The following WNK3 variants were observed in gnomAD, a reference collection of about 807,000 sequenced individuals.
The protein encoded by WNK3 is WNK lysine deficient protein kinase 3.
A neutral mutation model predicts 116.7 loss-of-function variants in WNK3; 18 were observed. That is an observed-to-expected ratio of 0.15 (90% CI 0.11 to 0.23). WNK3 has a LOEUF of 0.23. Among genes scored for constraint, WNK3 ranks in the 10% least tolerant of loss-of-function variants. The pLI is 1.00. For synonymous variants in WNK3, 404 were observed against 469.4 expected, an observed-to-expected ratio of 0.86 and a Z score of 1.80; for missense variants, 993 against 1,323.8, an observed-to-expected ratio of 0.75 and a Z score of 3.88.
At chrX:54,212,604 T>G (rs192036087) in intron 22 of WNK3, among the ~76,000 whole-genome samples, 86 of 112,447 alleles carry the variant, frequency 7.6e-4, no homozygotes, top group Non-Finnish European at 1.4e-3. Context: ...TACATAAGCA[T>G]TGTATTTTAC....
chrX:54,221,415 G>C lies in WNK3; in HGVS notation c.4870+7299C>G, dbSNP rs565677008. On this transcript the variant is annotated intron_variant, in intron 22 of 23. Transcript: ENST00000354646. ...AATTGTGTCAATGAGCTTATAACAT[G>C]TAAAGATGTAATGTGTATAACAATA... Among the ~76,000 whole-genome samples the C allele has an allele frequency of 8.0e-5, 9 of 112,364 alleles. No homozygotes were observed. In the South Asian group the frequency reaches 3.3e-3, roughly 41 times the overall value.
chrX:54,274,793 G>A (rs1360206470), intron 10 of WNK3, among the ~76,000 whole-genome samples: 3 of 110,361 alleles, frequency 2.7e-5, no homozygotes, highest in Non-Finnish European at 5.7e-5. Context: ...ACTGCTTGAC[G>A]CCAGGAGTTT....
chrX:54,308,993 C>T (rs1213818448), intron 4 of WNK3, 102 bp downstream of exon 4: 4 of 640,158 alleles, frequency 6.2e-6, no homozygotes, highest in Non-Finnish European at 9.6e-6. Context: ...GGCAGTGAGC[C>T]ACATTCATCC....
At chrX:54,336,736 T>C (rs1335001511) in intron 1 of WNK3, among the ~76,000 whole-genome samples, 1 of 111,333 alleles carries the variant, frequency 9.0e-6, no homozygotes, top group Non-Finnish European at 1.9e-5. Flanking sequence ...ATGATGAGGT[T>C]TGAATGAAAA....
chrX:54,208,763 T>C (rs889269237), intron 22 of WNK3, among the ~76,000 whole-genome samples: 1 of 112,068 alleles, frequency 8.9e-6, no homozygotes, highest in Admixed American at 9.5e-5. Context: ...ACTCAAGATA[T>C]AGTTGTATTC....
intron 22 of WNK3, among the ~76,000 whole-genome samples, chrX:54,226,335 T>C (rs190720713): frequency 9.4e-6 from 1 of 106,001 alleles, no homozygotes; most frequent in Non-Finnish European, 1.9e-5. Context: ...CCAGGCGTGA[T>C]GGCATGCACC....
intron 5 of WNK3, among the ~76,000 whole-genome samples, chrX:54,303,242 G>A (rs1396062532): frequency 1.9e-4 from 21 of 110,346 alleles, no homozygotes; most frequent in African/African-American, 6.6e-4. Flanking sequence ...AATATTGAGA[G>A]CATGTACCTC....
At chrX:54,304,974 T>TA (rs1198153362) in intron 5 of WNK3, among the ~76,000 whole-genome samples, 3 of 108,225 alleles carry the variant, frequency 2.8e-5, no homozygotes, top group Non-Finnish European at 5.7e-5. Flanking sequence ...ACATCTTTAT[T>TA]AAAAAAATAT....
intron 1 of WNK3, among the ~76,000 whole-genome samples, chrX:54,342,621 T>C (rs868913431): frequency 2.5e-4 from 27 of 109,893 alleles, no homozygotes; most frequent in Admixed American, 7.8e-4. Context: ...ACCATCACAT[T>C]ATCAAATATG....
chrX:54,258,841 G>A, intron 11 of WNK3, among the ~76,000 whole-genome samples: 1 of 108,045 alleles, frequency 9.3e-6, no homozygotes, highest in South Asian at 3.9e-4. Flanking sequence ...CAGGACAAAG[G>A]AAACAATCAA....
intron 10 of WNK3, among the ~76,000 whole-genome samples, chrX:54,282,862 T>C (rs2068533139): frequency 9.0e-6 from 1 of 111,586 alleles, no homozygotes; most frequent in South Asian, 3.7e-4. Flanking sequence ...AATTTAAAAC[T>C]CTTAGAAGAA....
intron 13 of WNK3, among the ~76,000 whole-genome samples, chrX:54,253,248 A>G (rs1433899438): frequency 2.7e-5 from 3 of 109,805 alleles, no homozygotes; most frequent in African/African-American, 9.9e-5. Context: ...AAAGCCTGTT[A>G]TAAAAAATAA....
chrX:54,358,497 CT>C (rs2069630466), upstream of WNK3: 2 of 111,955 alleles, frequency 1.8e-5, no homozygotes, highest in Non-Finnish European at 3.8e-5. Flanking sequence ...CCCGCCACCC[CT>C]GACTCCCTTT....
chrX:54,226,667 C>A lies in WNK3; in HGVS notation c.4870+2047G>T, dbSNP rs185481315. 7.4e-3 allele frequency among the ~76,000 whole-genome samples: 804 copies of A among 108,173 alleles called. 2 individuals carry two copies. The highest frequency in any genetic ancestry group is 0.011 in the Non-Finnish European group (598 of 52,227). The allele number at this position is 108,173 out of a possible 115,157, so 93.9% of individuals were successfully genotyped here. On this transcript the variant is annotated intron_variant, in intron 22 of 23. Transcript: ENST00000354646. Reference sequence around the variant, plus strand: ...GACCAGCCTGGCCAACATGGTGAAACCCCGTCTCTACTAAAAATAAAAAAT... The same window carrying A: ...GACCAGCCTGGCCAACATGGTGAAAACCCGTCTCTACTAAAAATAAAAAAT...
At chrX:54,345,111 C>T (rs782407006) in intron 1 of WNK3, among the ~76,000 whole-genome samples, 2 of 99,395 alleles carry the variant, frequency 2.0e-5, no homozygotes, top group East Asian at 6.6e-4. Flanking sequence ...TAGCTGTGGC[C>T]GGCGCCTGTA....
exon 20 of WNK3, chrX:54,237,545 T>A (rs2067976410): frequency 3.4e-6 from 4 of 1,160,369 alleles, no homozygotes; most frequent in Non-Finnish European, 3.4e-6. Flanking sequence ...TGAGGAATTG[T>A]AATCACCTGA....
chrX:54,199,397 A>G (rs1314424168), intron 23 of WNK3, among the ~76,000 whole-genome samples: 5 of 111,362 alleles, frequency 4.5e-5, no homozygotes, highest in African/African-American at 1.6e-4. Context: ...AAGAGTTACC[A>G]TGACTAACTC....
In WNK3 at chrX:54,306,906, A is replaced by G. The variant is rs140267248; in HGVS notation, c.1089+1016T>C. Among the ~76,000 whole-genome samples, 412 of 110,928 alleles carry G rather than the reference A, an allele frequency of 3.7e-3. 1 individual carries two copies. Among genetic ancestry groups the G allele is most frequent in the African/African-American group, 0.013 (404 of 30,533 alleles). On this transcript the variant is annotated intron_variant, in intron 5 of 23. Coordinates refer to ENST00000354646, the Ensembl canonical transcript of WNK3. ...AAACATCACATGGTACCCCTTAAAT[A>G]TGTACAATAACAATTTGTCAATTAA... is the stretch of plus-strand genomic sequence containing the variant.
At chrX:54,233,569 A>C (rs1032609788) in intron 20 of WNK3, among the ~76,000 whole-genome samples, 142 of 110,907 alleles carry the variant, frequency 1.3e-3, no homozygotes, top group African/African-American at 4.6e-3. Context: ...CTTCCTAAGC[A>C]TAACATTTAA....
Sources: gnomAD v4.1 joint callset for allele counts (sites outside exome capture counted in the v4.1 genomes callset) on GRCh38, gnomAD v4.1.1 for gene constraint, MANE v1.5 for transcripts, NCBI Gene and HGNC (gene_info 2026-07-23, HGNC 2026-07-21) for gene names.